ANO4: variants seen among roughly 807,000 people sequenced by gnomAD.
ANO4 encodes anoctamin 4.
ANO4 carries 69 observed loss-of-function variants against 141.9 expected under a neutral mutation model. That is an observed-to-expected ratio of 0.49 (90% CI 0.40 to 0.59). The LOEUF (loss-of-function observed/expected upper bound fraction) is 0.59. Ranked by LOEUF, ANO4 falls within the 20% of genes least tolerant of loss-of-function variation. The pLI is 0.00. For synonymous variants in ANO4, 350 were observed against 394.3 expected (o/e 0.89, Z 1.33); for missense variants, 894 against 1,162.2 (o/e 0.77, Z 3.36).
At position 101,099,225 on chromosome 12, in the gene ANO4, C is replaced by G. The variant is rs12582727; in HGVS notation, c.2007-353C>G. On this transcript the variant is annotated intron_variant, in intron 21 of 27. Coordinates refer to ENST00000392977, the MANE Select transcript of ANO4 (RefSeq NM_001286615.2). The stretch of plus-strand genomic sequence containing the variant: ...GCAAGACTGCTCAAGGGTCCTAAAT[C>G]AAGCCACTTAAGCCAGATATTCCTC... Among the ~76,000 whole-genome samples the G allele has an allele frequency of 3.0e-3, 462 of 152,262 alleles. 6 individuals are homozygous for G. The East Asian group carries it at 0.045, about 15-fold the overall frequency.
intron 1 of ANO4, among the ~76,000 whole-genome samples, chr12:100,832,579 T>C (rs1443727412): frequency 1.3e-5 from 2 of 152,140 alleles, no homozygotes; most frequent in Non-Finnish European, 2.9e-5. Flanking sequence ...GGAAATATTA[T>C]TTTATGTTGC....
chr12:100,881,249 C>T (rs573493988), intron 1 of ANO4, among the ~76,000 whole-genome samples: 7 of 151,050 alleles, frequency 4.6e-5, no homozygotes, highest in South Asian at 2.1e-4. Context: ...CAAACCTGCA[C>T]GTTGTGCACA....
At chr12:100,862,467 G>A (rs538436420) in intron 1 of ANO4, among the ~76,000 whole-genome samples, 9 of 152,056 alleles carry the variant, frequency 5.9e-5, no homozygotes, top group South Asian at 2.1e-4. Flanking sequence ...GATTACAGGC[G>A]CCTGCCACCA....
chr12:100,887,599 G>C (rs552021459), intron 1 of ANO4, among the ~76,000 whole-genome samples: 1 of 151,562 alleles, frequency 6.6e-6, no homozygotes, highest in Admixed American at 6.6e-5. Context: ...CCTTGCCTTT[G>C]CTGCTTTAGT....
At chr12:100,726,246 CCTTT>C (rs1251763727) in intron 1 of ANO4, among the ~76,000 whole-genome samples, 7 of 152,126 alleles carry the variant, frequency 4.6e-5, no homozygotes, top group African/African-American at 1.7e-4. Context: ...AAAAAAAAGT[CCTTT>C]CTTTTTATTT....
At chr12:100,931,606 A>G (rs913049881) in intron 3 of ANO4, among the ~76,000 whole-genome samples, 1 of 152,166 alleles carries the variant, frequency 6.6e-6, no homozygotes. Flanking sequence ...AAATGAGAAA[A>G]TAGACCTGAA....
chr12:100,869,560 C>T (rs1241228456), intron 1 of ANO4, among the ~76,000 whole-genome samples: 1 of 152,170 alleles, frequency 6.6e-6, no homozygotes, highest in Admixed American at 6.5e-5. Flanking sequence ...TATGAGACCC[C>T]TCGTATGAGC....
intron 3 of ANO4, among the ~76,000 whole-genome samples, 190 bp downstream of exon 3, chr12:100,922,520 T>C (rs1467987325): frequency 6.6e-6 from 1 of 152,172 alleles, no homozygotes; most frequent in East Asian, 1.9e-4. Context: ...ATTTGTGAGA[T>C]TAAATCACAT....
intron 7 of ANO4, among the ~76,000 whole-genome samples, chr12:100,978,131 C>G (rs2044287957): frequency 6.6e-6 from 1 of 152,230 alleles, no homozygotes; most frequent in South Asian, 2.1e-4. Context: ...GTGTCTAGCT[C>G]TCTACCTGGG....
chr12:101,064,973 C>G (rs1489727120), intron 14 of ANO4, among the ~76,000 whole-genome samples: 1 of 152,130 alleles, frequency 6.6e-6, no homozygotes, highest in Non-Finnish European at 1.5e-5. Context: ...GATACTGCCA[C>G]TGTATCACAG....
intron 5 of ANO4, among the ~76,000 whole-genome samples, chr12:100,955,900 T>C (rs1351776380): frequency 6.6e-6 from 1 of 152,184 alleles, no homozygotes; most frequent in East Asian, 1.9e-4. Flanking sequence ...TTAGGGCTCC[T>C]CTGTGCACCT....
At chr12:100,756,890 C>G (rs1207393470) in intron 3 of ANO4, among the ~76,000 whole-genome samples, 1 of 152,172 alleles carries the variant, frequency 6.6e-6, no homozygotes, top group African/African-American at 2.4e-5. Flanking sequence ...ACCCCTATTT[C>G]ACCTGCAATC....
At chr12:100,878,830 A>G (rs954816277) in intron 1 of ANO4, among the ~76,000 whole-genome samples, 1 of 152,224 alleles carries the variant, frequency 6.6e-6, no homozygotes, top group African/African-American at 2.4e-5. Flanking sequence ...CAAATTAACC[A>G]CTGGTGAATC....
At chr12:101,087,598 A>C (rs1034645700) in intron 17 of ANO4, among the ~76,000 whole-genome samples, 3 of 152,226 alleles carry the variant, frequency 2.0e-5, no homozygotes, top group Non-Finnish European at 1.5e-5. Context: ...GCTGGTACAT[A>C]TTGCTTTTGT....
chr12:101,054,103 C>T (rs2047993213), intron 14 of ANO4, among the ~76,000 whole-genome samples: 1 of 152,142 alleles, frequency 6.6e-6, no homozygotes. Context: ...AAATGTTTTC[C>T]TAGCTTTAGT....
intron 8 of ANO4, among the ~76,000 whole-genome samples, chr12:100,992,171 C>T (rs1397991984): frequency 1.3e-5 from 2 of 152,236 alleles, no homozygotes; most frequent in African/African-American, 4.8e-5. Context: ...AATCCATTCT[C>T]TCAGGTGCAT....
At chr12:101,015,598 G>A (rs2136467307) in intron 8 of ANO4, among the ~76,000 whole-genome samples, 1 of 152,176 alleles carries the variant, frequency 6.6e-6, no homozygotes, top group African/African-American at 2.4e-5. Context: ...TTTGCACACG[G>A]GTAAGTATAT....
At chr12:100,782,212 G>A (rs756144847) in intron 3 of ANO4, among the ~76,000 whole-genome samples, 2 of 151,994 alleles carry the variant, frequency 1.3e-5, no homozygotes, top group African/African-American at 2.4e-5. Flanking sequence ...ACATCTTTCC[G>A]ATGTTAAAGA....
At chr12:101,073,008 T>A (rs1942331253) in intron 14 of ANO4, among the ~76,000 whole-genome samples, 2 of 152,172 alleles carry the variant, frequency 1.3e-5, no homozygotes, top group African/African-American at 4.8e-5. Context: ...ATTTCAACCA[T>A]TGTAGAAGAC....
Sources: gnomAD v4.1 joint callset for allele counts (sites outside exome capture counted in the v4.1 genomes callset) on GRCh38, gnomAD v4.1.1 for gene constraint, MANE v1.5 for transcripts, NCBI Gene and HGNC (gene_info 2026-07-23, HGNC 2026-07-21) for gene names.